The following MYRFL variants were observed in gnomAD, a reference collection of about 807,000 sequenced individuals.
MYRFL encodes myelin regulatory factor like.
Under a neutral mutation model 109.4 loss-of-function variants are expected in MYRFL, and 88 were observed. That is an observed-to-expected ratio of 0.80 (90% CI 0.68 to 0.96). The LOEUF is 0.96. Among genes scored for constraint, MYRFL ranks in the 40% least tolerant of loss-of-function variants. The pLI is 0.00. For synonymous variants in MYRFL, 324 were observed against 320.9 expected (o/e 1.01, Z -0.10); for missense variants, 957 against 954.9 (o/e 1.00, Z -0.03).
chr12:69,947,372 C>G (rs1221287066), intron 19 of MYRFL, among the ~76,000 whole-genome samples: 3 of 152,082 alleles, frequency 2.0e-5, no homozygotes, highest in Non-Finnish European at 4.4e-5. Context: ...CATTATTCTT[C>G]TTTTGGGCCA....
chr12:69,866,018 T>G (rs549206400), intron 2 of MYRFL, among the ~76,000 whole-genome samples: 1 of 152,276 alleles, frequency 6.6e-6, no homozygotes, highest in African/African-American at 2.4e-5. Context: ...GAGGATAAGG[T>G]GCAGAGAGGT....
intron 2 of MYRFL, among the ~76,000 whole-genome samples, chr12:69,857,963 GT>G (rs1884401046): frequency 6.6e-6 from 1 of 151,622 alleles, no homozygotes; most frequent in Non-Finnish European, 1.5e-5. Flanking sequence ...GAAGCATTTA[GT>G]TTTTATCATT....
At chr12:69,861,718 A>C (rs564752352) in intron 2 of MYRFL, among the ~76,000 whole-genome samples, 3 of 151,464 alleles carry the variant, frequency 2.0e-5, no homozygotes, top group East Asian at 1.9e-4. Flanking sequence ...CTCTGATGGT[A>C]GTTTCTTTTG....
intron 1 of MYRFL, among the ~76,000 whole-genome samples, chr12:69,849,851 T>C (rs1055221666): frequency 8.5e-5 from 13 of 152,250 alleles, no homozygotes; most frequent in Admixed American, 7.9e-4. Flanking sequence ...ATCTAACCAG[T>C]GTTAATGGTG....
chr12:69,931,722 C>G (rs1454050679), intron 15 of MYRFL, among the ~76,000 whole-genome samples: 2 of 152,240 alleles, frequency 1.3e-5, no homozygotes, highest in East Asian at 3.9e-4. Context: ...TAAGTAGCAC[C>G]TCATTTAAGT....
chr12:69,891,238 C>G (rs1886780259), intron 7 of MYRFL, 72 bp downstream of exon 7: 1 of 1,102,394 alleles, frequency 9.1e-7, no homozygotes, highest in African/African-American at 1.6e-5. Flanking sequence ...TGCTGCATGA[C>G]AAACTATCCC....
rs11177898 is a variant in MYRFL at position 69,845,519 on chromosome 12, G to A, written c.47-9761G>A. ...TCCACTCATTTTCATCTTAGCTCAT[G>A]TCAACAAATTGAGTTGGTGATGTCT... is the stretch of plus-strand genomic sequence containing the variant. On this transcript the variant is annotated intron_variant, in intron 1 of 24. Transcript: ENST00000552032. Among the ~76,000 whole-genome samples, 28 of 152,280 alleles carry A rather than the reference G, an allele frequency of 1.8e-4. No homozygotes were observed. The East Asian group carries it at 5.4e-3, about 29-fold the overall frequency.
At chr12:69,925,798 TTTAG>T (rs1204796894) in intron 13 of MYRFL, among the ~76,000 whole-genome samples, 1 of 152,218 alleles carries the variant, frequency 6.6e-6, no homozygotes, top group African/African-American at 2.4e-5. Flanking sequence ...ATTGCTTTTT[TTTAG>T]TTAGGCTACA....
intron 21 of MYRFL, among the ~76,000 whole-genome samples, chr12:69,953,885 G>A (rs940243858): frequency 6.6e-6 from 1 of 152,036 alleles, no homozygotes; most frequent in African/African-American, 2.4e-5. Flanking sequence ...CTGAACTAGT[G>A]TCACAAATCC....
At chr12:69,905,558 G>A (rs920739006) in intron 11 of MYRFL, among the ~76,000 whole-genome samples, 14 of 152,298 alleles carry the variant, frequency 9.2e-5, no homozygotes, top group African/African-American at 3.1e-4. Context: ...AACTTTGGCC[G>A]AGAGGCGATC....
At chr12:69,897,666 C>T (rs1954041765) in intron 10 of MYRFL, among the ~76,000 whole-genome samples, 1 of 152,214 alleles carries the variant, frequency 6.6e-6, no homozygotes, top group Non-Finnish European at 1.5e-5. Context: ...TTTCACATTA[C>T]ATTATTTATA....
intron 1 of MYRFL, among the ~76,000 whole-genome samples, chr12:69,854,346 G>GGAGGAAGAGGGA (rs1555240895): frequency 1.4e-5 from 2 of 141,664 alleles, no homozygotes; most frequent in African/African-American, 5.3e-5. Context: ...AGGGGGAGGG[G>GGAGGAAGAGGGA]GAGGGAGAGG....
intron 10 of MYRFL, 58 bp from the exon 11 acceptor site, chr12:69,903,586 T>C: frequency 4.0e-6 from 6 of 1,496,068 alleles, no homozygotes; most frequent in Non-Finnish European, 5.4e-6. Flanking sequence ...AACACTAATG[T>C]GATCATCTAT....
At chr12:69,901,807 A>G (rs956444749) in intron 10 of MYRFL, among the ~76,000 whole-genome samples, 1 of 152,058 alleles carries the variant, frequency 6.6e-6, no homozygotes, top group South Asian at 2.1e-4. Flanking sequence ...TACACAAAAT[A>G]ATGTTCAAAG....
At position 69,852,656 on chromosome 12, in the gene MYRFL, A is replaced by G. The variant is rs189176792; in HGVS notation, c.47-2624A>G. Reference sequence around the variant, plus strand: ...ACAGAGGGGGATTTGGCAGGGTCATAGGACAATAGTGGAGGGAAGGTCAGC... The same window carrying G: ...ACAGAGGGGGATTTGGCAGGGTCATGGGACAATAGTGGAGGGAAGGTCAGC... On this transcript the variant is annotated intron_variant, in intron 1 of 24. Coordinates refer to ENST00000552032, the MANE Select transcript of MYRFL (RefSeq NM_182530.3). 7.2e-3 allele frequency among the ~76,000 whole-genome samples: 976 copies of G among 135,656 alleles called. 20 individuals are homozygous for G. The highest frequency in any genetic ancestry group is 0.029 in the African/African-American group (946 of 32,090). 89.0% of individuals were successfully genotyped at this position (135,656 alleles called of 152,430 possible).
At chr12:69,933,704 C>T (rs1385992398) in intron 16 of MYRFL, among the ~76,000 whole-genome samples, 1 of 152,152 alleles carries the variant, frequency 6.6e-6, no homozygotes, top group Non-Finnish European at 1.5e-5. Flanking sequence ...CTTAGTCTCC[C>T]AAGTGTGCCT....
chr12:69,907,838 T>A (rs1407460386), intron 11 of MYRFL, among the ~76,000 whole-genome samples: 1 of 152,194 alleles, frequency 6.6e-6, no homozygotes, highest in Non-Finnish European at 1.5e-5. Flanking sequence ...GGAGATCATC[T>A]GGCACATAGT....
At chr12:69,940,894 A>G (rs1955621705) in intron 19 of MYRFL, among the ~76,000 whole-genome samples, 2 of 106,646 alleles carry the variant, frequency 1.9e-5, no homozygotes, top group African/African-American at 7.3e-5. Context: ...CTAGTCTCTG[A>G]TAAAACAGAC....
intron 20 of MYRFL, among the ~76,000 whole-genome samples, 166 bp from the exon 21 acceptor site, chr12:69,952,633 C>T (rs1281392918): frequency 6.6e-6 from 1 of 152,118 alleles, no homozygotes; most frequent in Non-Finnish European, 1.5e-5. Flanking sequence ...AAAGCCTTCT[C>T]CCCTTCCTTT....
Sources: allele counts gnomAD v4.1 joint callset (sites outside exome capture counted in the v4.1 genomes callset), GRCh38; gene constraint gnomAD v4.1.1; transcripts MANE v1.5; gene names NCBI Gene and HGNC (gene_info 2026-07-23, HGNC 2026-07-21).